The following DCAF1 variants were observed in gnomAD, a reference collection of about 807,000 sequenced individuals.
DCAF1 encodes the protein DDB1 and CUL4 associated factor 1.
In DCAF1, 15 loss-of-function variants were observed where a neutral mutation model predicts 128.0. The ratio of observed to expected loss-of-function variants is 0.12; its 90% CI spans 0.08 to 0.18. The LOEUF (loss-of-function observed/expected upper bound fraction) is 0.18. Ranked by LOEUF, DCAF1 falls within the 10% of genes least tolerant of loss-of-function variation. The probability of loss-of-function intolerance (pLI) is 1.00; values close to 1 mark genes in which losing one functional copy is unlikely to be tolerated. For synonymous variants in DCAF1, 610 were observed against 603.0 expected (o/e 1.01, Z -0.17); for missense variants, 988 against 1,649.5 (o/e 0.60, Z 6.95).
intron 6 of DCAF1, among the ~76,000 whole-genome samples, chr3:51,447,779 C>T (rs573655686): frequency 6.6e-6 from 1 of 152,070 alleles, no homozygotes; most frequent in Non-Finnish European, 1.5e-5. Flanking sequence ...AAAACTGCAT[C>T]TCTACTAAAA....
chr3:51,400,208 A>G (rs1381930897), intron 24 of DCAF1, among the ~76,000 whole-genome samples: 1 of 152,230 alleles, frequency 6.6e-6, no homozygotes, highest in Admixed American at 6.5e-5. Flanking sequence ...ACTATTATCT[A>G]ACACAGCTGA....
chr3:51,413,276 G>A lies in DCAF1; in HGVS notation c.4036+6C>T, dbSNP rs782454284. On this transcript the variant is annotated splice_donor_region_variant and intron_variant, in intron 21 of 24. Coordinates refer to ENST00000684031, the MANE Select transcript of DCAF1 (RefSeq NM_001387579.1). ...AAATGTTCAATGTCTGTCCCTTTCTGCTTACCTATAGGTTTGTAGTCAGTT... is the reference window on the plus strand; with the variant it reads ...AAATGTTCAATGTCTGTCCCTTTCTACTTACCTATAGGTTTGTAGTCAGTT... 6.2e-7 allele frequency: 1 copy of A among 1,612,208 alleles called. No homozygotes were observed. Among genetic ancestry groups the A allele is most frequent in the Non-Finnish European group, 8.5e-7 (1 of 1,179,116 alleles).
chr3:51,454,818 C>T (rs545961754), intron 6 of DCAF1, among the ~76,000 whole-genome samples: 173 of 152,170 alleles, frequency 1.1e-3, no homozygotes, highest in African/African-American at 4.0e-3. Context: ...GGACTACAGG[C>T]GCCCACCACC....
At position 51,414,674 on chromosome 3, in the gene DCAF1, T is replaced by C. The variant is rs1553629650; in HGVS notation, c.3787A>G (p.Ser1263Gly). The change falls in exon 19 of 25, where the codon AGT becomes GGT. Residue 1263 changes from serine to glycine, a missense_variant. Coordinates refer to ENST00000684031, the MANE Select transcript of DCAF1 (RefSeq NM_001387579.1). ...AGTCCATTTGGATGGAAAACACCACTGATGTTCATATTGAACTTGTCAAAC... is the reference window on the plus strand; with the variant it reads ...AGTCCATTTGGATGGAAAACACCACCGATGTTCATATTGAACTTGTCAAAC... The part of the protein sequence containing the change: ...HKFDKFNMNI[S>G]GVFHPNGLEV... 5 of 1,614,056 alleles carry C rather than the reference T, an allele frequency of 3.1e-6. No homozygotes were observed. The Admixed American group carries it at 8.3e-5, about 27-fold the overall frequency.
chr3:51,409,426 A>G (rs903547780), intron 23 of DCAF1, among the ~76,000 whole-genome samples: 1 of 152,162 alleles, frequency 6.6e-6, no homozygotes, highest in African/African-American at 2.4e-5. Flanking sequence ...GACAGACACC[A>G]GGCATCACAT....
intron 3 of DCAF1, among the ~76,000 whole-genome samples, chr3:51,482,262 C>G (rs1342163095): frequency 1.3e-5 from 2 of 149,522 alleles, no homozygotes; most frequent in South Asian, 2.1e-4. Context: ...CTGGGTAACA[C>G]AGGGAGACCC....
At chr3:51,470,156 A>G (rs1704573531) in intron 4 of DCAF1, among the ~76,000 whole-genome samples, 1 of 152,242 alleles carries the variant, frequency 6.6e-6, no homozygotes, top group African/African-American at 2.4e-5. Flanking sequence ...AAAGCAGGAC[A>G]CTGAATGCTT....
chr3:51,494,542 G>A (rs1320900145), intron 2 of DCAF1, among the ~76,000 whole-genome samples: 5 of 152,014 alleles, frequency 3.3e-5, no homozygotes, highest in African/African-American at 9.7e-5. Flanking sequence ...TTTATGCTAC[G>A]TAAATTTACC....
In DCAF1 at chr3:51,418,766, T is replaced by A. The variant is rs1553631404; in HGVS notation, c.3347A>T (p.Gln1116Leu). The A allele has an allele frequency of 6.2e-7, 1 of 1,614,016 alleles. No individual in the cohort carries two copies. The highest frequency in any genetic ancestry group is 8.5e-7 in the Non-Finnish European group (1 of 1,179,892). Reference protein sequence around the residue: ...RFLMLGTCTGQLKLYNVFSGQ... With the variant: ...RFLMLGTCTGLLKLYNVFSGQ... ...ACTAAACACATTATAGAGCTTCAGCTGCCCTGTGCAGGTGCCAAGCATCAG... is the reference window on the plus strand; with the variant it reads ...ACTAAACACATTATAGAGCTTCAGCAGCCCTGTGCAGGTGCCAAGCATCAG... The change falls in exon 16 of 25, where the codon CAG (glutamine) becomes CTG (leucine). Residue 1116 changes from glutamine (Q) to leucine (L), a missense_variant. This residue lies in a region of DCAF1 where 105 missense variants were observed against 266.7 expected (regional missense o/e 0.39). Transcript: ENST00000684031.
intron 4 of DCAF1, among the ~76,000 whole-genome samples, chr3:51,470,709 C>G (rs1327937778): frequency 6.6e-6 from 1 of 152,018 alleles, no homozygotes; most frequent in African/African-American, 2.4e-5. Flanking sequence ...AAAATATTTC[C>G]AATTTTTTCC....
intron 23 of DCAF1, among the ~76,000 whole-genome samples, chr3:51,406,361 A>AC (rs1456686785): frequency 6.6e-6 from 1 of 151,332 alleles, no homozygotes; most frequent in East Asian, 1.9e-4. Flanking sequence ...AAAAAAAAAA[A>AC]AAAACCAAAT....
At chr3:51,469,775 C>T (rs930399653) in intron 4 of DCAF1, among the ~76,000 whole-genome samples, 27 of 152,062 alleles carry the variant, frequency 1.8e-4, no homozygotes, top group Non-Finnish European at 2.8e-4. Context: ...AATCCCAGCA[C>T]TTTGGGAGGT....
intron 13 of DCAF1, among the ~76,000 whole-genome samples, chr3:51,425,187 T>G (rs1202728010): frequency 6.6e-6 from 1 of 152,138 alleles, no homozygotes; most frequent in Non-Finnish European, 1.5e-5. Flanking sequence ...ATAATCCAAA[T>G]ACAGGCCGGA....
At chr3:51,497,542 G>C (rs1708362549) in intron 1 of DCAF1, among the ~76,000 whole-genome samples, 1 of 151,822 alleles carries the variant, frequency 6.6e-6, no homozygotes, top group Non-Finnish European at 1.5e-5. Flanking sequence ...AGCCGAGATT[G>C]CACCACTGCA....
At chr3:51,436,453 CA>C (rs1348231991) in intron 9 of DCAF1, 4 of 519,670 alleles carry the variant, frequency 7.7e-6, no homozygotes, top group Non-Finnish European at 1.2e-5. Context: ...TGAGCCATGT[CA>C]GCCATAACCC....
chr3:51,491,633 G>A (rs1375778934), intron 2 of DCAF1, among the ~76,000 whole-genome samples: 1 of 152,086 alleles, frequency 6.6e-6, no homozygotes, highest in Non-Finnish European at 1.5e-5. Context: ...CAGATAACTT[G>A]AGCAGGAGTT....
At chr3:51,496,863 C>A (rs1243433263) in intron 1 of DCAF1, among the ~76,000 whole-genome samples, 83 bp from the exon 2 acceptor site, 2 of 152,018 alleles carry the variant, frequency 1.3e-5, no homozygotes, top group African/African-American at 4.8e-5. Flanking sequence ...TCAAGAAATA[C>A]TTATGTAAAA....
chr3:51,437,039 G>T (rs1383708698), intron 9 of DCAF1, among the ~76,000 whole-genome samples: 7 of 151,818 alleles, frequency 4.6e-5, no homozygotes, highest in African/African-American at 1.7e-4. Flanking sequence ...GAGGCAGGCG[G>T]ATCCCTTGAG....
intron 9 of DCAF1, among the ~76,000 whole-genome samples, chr3:51,439,432 T>G (rs1701154703): frequency 7.3e-6 from 1 of 137,022 alleles, no homozygotes; most frequent in Non-Finnish European, 1.5e-5. Context: ...CTGGCCTGTC[T>G]GCTATTTCTA....
Sources: allele counts gnomAD v4.1 joint callset (sites outside exome capture counted in the v4.1 genomes callset), GRCh38; gene constraint gnomAD v4.1.1; regional missense constraint gnomAD v4.1.1; transcripts MANE v1.5; gene names NCBI Gene and HGNC (gene_info 2026-07-23, HGNC 2026-07-21).